ZFAT: variants seen among roughly 807,000 people sequenced by gnomAD.
ZFAT encodes the protein zinc finger protein ZFAT.
ZFAT carries 64 observed loss-of-function variants against 117.7 expected under a neutral mutation model. That is an observed-to-expected ratio of 0.54 (90% CI 0.44 to 0.67). The LOEUF (loss-of-function observed/expected upper bound fraction) is 0.67. Among genes scored for constraint, ZFAT ranks in the 30% least tolerant of loss-of-function variants. The pLI is 0.00. For missense variants in ZFAT, 1,433 were observed against 1,584.5 expected (o/e 0.90, Z 1.62); for synonymous variants, 679 against 615.0 (o/e 1.10, Z -1.54).
intron 12 of ZFAT, among the ~76,000 whole-genome samples, chr8:134,522,491 T>C (rs1012922426): frequency 6.6e-6 from 1 of 152,234 alleles, no homozygotes; most frequent in Non-Finnish European, 1.5e-5. Context: ...ATTCTTCAAT[T>C]TCTGGAGAAT....
intron 1 of ZFAT, among the ~76,000 whole-genome samples, chr8:134,693,143 C>T (rs950489429): frequency 1.3e-5 from 2 of 152,176 alleles, no homozygotes; most frequent in Non-Finnish European, 1.5e-5. Flanking sequence ...ACACCCAGCT[C>T]ACCTAGTTCC....
rs1819935478 is a variant in ZFAT at position 134,512,546 on chromosome 8, G to C, written c.3290C>G (p.Ala1097Gly). ...CTGTGTCCCTTGAACGTCTTCTTCGGCCTCTGTGATGTGGAGATACTGGGT... is the reference window on the plus strand; with the variant it reads ...CTGTGTCCCTTGAACGTCTTCTTCGCCCTCTGTGATGTGGAGATACTGGGT... Reference protein sequence around the residue: ...PSTQYLHITEAEEDVQGTQAA... With the variant: ...PSTQYLHITEGEEDVQGTQAA... The change falls in exon 14 of 16, where the codon GCC becomes GGC. Residue 1097 changes from alanine (A) to glycine (G), a missense_variant. Coordinates refer to ENST00000377838, the MANE Select transcript of ZFAT (RefSeq NM_020863.4). The C allele has an allele frequency of 1.2e-6, 2 of 1,613,880 alleles. No individual in the cohort carries two copies. Among genetic ancestry groups the C allele is most frequent in the South Asian group, 2.2e-5 (2 of 91,086 alleles).
intron 11 of ZFAT, among the ~76,000 whole-genome samples, chr8:134,550,713 A>G (rs926869090): frequency 6.6e-5 from 10 of 152,210 alleles, no homozygotes; most frequent in African/African-American, 2.4e-4. Context: ...GAGGTGCTTT[A>G]AACATCTAAA....
intron 3 of ZFAT, 80 bp from the exon 4 acceptor site, chr8:134,610,735 G>A (rs546806953): frequency 4.6e-5 from 69 of 1,506,918 alleles, no homozygotes; most frequent in Non-Finnish European, 5.4e-5. Flanking sequence ...ACTCTTTCAC[G>A]GGACAGTAAA....
intron 1 of ZFAT, among the ~76,000 whole-genome samples, chr8:134,681,421 A>G (rs1015714872): frequency 1.3e-5 from 2 of 152,210 alleles, no homozygotes; most frequent in African/African-American, 4.8e-5. Context: ...CACCAGCCCA[A>G]TGCCAGCTTC....
intron 1 of ZFAT, among the ~76,000 whole-genome samples, chr8:134,667,558 T>A (rs1451360557): frequency 6.9e-6 from 1 of 145,930 alleles, no homozygotes. Context: ...AGGGCACATA[T>A]GTAACAAACC....
intron 1 of ZFAT, among the ~76,000 whole-genome samples, chr8:134,671,842 T>C (rs1346672881): frequency 6.6e-6 from 1 of 152,210 alleles, no homozygotes; most frequent in African/African-American, 2.4e-5. Context: ...CATGATTGTA[T>C]ATTTAGAAAA....
chr8:134,662,136 G>T (rs1472243072), intron 1 of ZFAT, among the ~76,000 whole-genome samples: 1 of 152,154 alleles, frequency 6.6e-6, no homozygotes, highest in Non-Finnish European at 1.5e-5. Context: ...TTCATAGCTG[G>T]TGCCTTCTTG....
At chr8:134,555,993 C>T (rs1382225773) in intron 11 of ZFAT, among the ~76,000 whole-genome samples, 24 of 65,178 alleles carry the variant, frequency 3.7e-4, no homozygotes, top group Non-Finnish European at 6.2e-4. Context: ...GGAGGGAAGG[C>T]GGGAGGGAGG....
chr8:134,514,447 T>A (rs1185348713), intron 13 of ZFAT, among the ~76,000 whole-genome samples: 1 of 152,202 alleles, frequency 6.6e-6, no homozygotes, highest in East Asian at 1.9e-4. Flanking sequence ...TAGATGAAGA[T>A]GTAAAAGTGA....
intron 1 of ZFAT, among the ~76,000 whole-genome samples, chr8:134,676,116 G>C (rs191156541): frequency 7.2e-4 from 110 of 152,092 alleles, no homozygotes; most frequent in African/African-American, 2.5e-3. Flanking sequence ...AATATAAATG[G>C]TCTAAATGCC....
chr8:134,648,778 G>C (rs186011476), intron 2 of ZFAT, among the ~76,000 whole-genome samples: 44 of 152,144 alleles, frequency 2.9e-4, no homozygotes, highest in Admixed American at 2.2e-3. Context: ...CACTTCTCAA[G>C]TCATGCTATG....
chr8:134,609,797 T>G (rs1420185092), intron 4 of ZFAT, among the ~76,000 whole-genome samples: 4 of 152,202 alleles, frequency 2.6e-5, no homozygotes, highest in African/African-American at 9.7e-5. Flanking sequence ...CACCAGCTAT[T>G]TCATGTAAAA....
chr8:134,506,347 T>C (rs1389095904), intron 15 of ZFAT, among the ~76,000 whole-genome samples: 1 of 152,238 alleles, frequency 6.6e-6, no homozygotes, highest in African/African-American at 2.4e-5. Context: ...CAAGCATGAT[T>C]CTTTCTGAGC....
the ZFAT span, among the ~76,000 whole-genome samples, chr8:134,804,100 A>G: frequency 7.2e-5 from 11 of 152,348 alleles, no homozygotes; most frequent in Admixed American, 6.5e-4. Flanking sequence ...TACATTATCA[A>G]TTAGTCCACA....
rs577772165 is a variant in ZFAT at position 134,671,326 on chromosome 8, C to T, written c.20-13589G>A. ...AAAAGAGAATTTTAGACCAATATCC[C>T]TGATGAACATCGATGCAAAAATCCT... On this transcript the variant is annotated intron_variant, in intron 1 of 15. Coordinates refer to ENST00000377838, the MANE Select transcript of ZFAT (RefSeq NM_020863.4). Among the ~76,000 whole-genome samples the T allele has an allele frequency of 1.9e-4, 29 of 152,312 alleles. No homozygotes were observed. In the East Asian group the frequency reaches 5.0e-3, roughly 26 times the overall value.
At position 134,601,544 on chromosome 8, in the gene ZFAT, C is replaced by T. The variant is rs563243569; in HGVS notation, c.2175G>A (p.Lys725=). The change falls in exon 6 of 16, where the codon AAG becomes AAA. Residue 725 remains lysine, a synonymous_variant. Coordinates refer to ENST00000377838, the MANE Select transcript of ZFAT (RefSeq NM_020863.4). ...GCTCACACAAGCTGGTGTTCATTTG[C>T]TTCTTCTGTAAACTGTTCAGGACCT... ...FMKVLNSLQK[K]QMNTSLCERI... is the part of the protein sequence containing the mutation. 4 of 1,614,196 alleles carry T rather than the reference C, an allele frequency of 2.5e-6. No individual in the cohort carries two copies. The East Asian group carries it at 6.7e-5, about 27-fold the overall frequency.
chr8:134,503,466 T>C (rs1819143694), intron 15 of ZFAT, among the ~76,000 whole-genome samples: 1 of 152,196 alleles, frequency 6.6e-6, no homozygotes, highest in Admixed American at 6.5e-5. Context: ...TGAAACATAT[T>C]TGTACATGTG....
At chr8:134,565,559 G>T in intron 10 of ZFAT, 138 bp from the exon 11 acceptor site, 1 of 813,362 alleles carries the variant, frequency 1.2e-6, no homozygotes, top group Non-Finnish European at 2.0e-6. Context: ...GAACAGCGAC[G>T]AGGTGCACAG....
Sources: gnomAD v4.1 joint callset for allele counts (sites outside exome capture counted in the v4.1 genomes callset) on GRCh38, gnomAD v4.1.1 for gene constraint, MANE v1.5 for transcripts, NCBI Gene and HGNC (gene_info 2026-07-23, HGNC 2026-07-21) for gene names.